The following EPHB2 variants were observed in gnomAD, a reference collection of about 807,000 sequenced individuals.
The protein encoded by EPHB2 is ephrin type-B receptor 2.
Under a neutral mutation model 96.4 loss-of-function variants are expected in EPHB2, and 18 were observed. That is an observed-to-expected ratio of 0.19 (90% CI 0.13 to 0.28). The LOEUF is 0.28. EPHB2 is among the 10% of genes least tolerant of loss of function. EPHB2 has a pLI of 1.00. For synonymous variants in EPHB2, 506 were observed against 534.1 expected (o/e 0.95, Z 0.72); for missense variants, 989 against 1,355.4 (o/e 0.73, Z 4.25).
At chr1:22,909,991 T>A (rs1422195187) in intron 13 of EPHB2, among the ~76,000 whole-genome samples, 1 of 151,966 alleles carries the variant, frequency 6.6e-6, no homozygotes, top group Non-Finnish European at 1.5e-5. Context: ...AAATCAAGCA[T>A]GTGGCCATGT....
In EPHB2 at chr1:22,906,088, A is replaced by G; in HGVS notation, c.1867A>G (p.Ile623Val). 1 of 1,614,188 alleles carries G rather than the reference A, an allele frequency of 6.2e-7. No homozygotes were observed. The change falls in exon 10 of 16, where the codon ATT (isoleucine) becomes GTT (valine). Residue 623 changes from isoleucine to valine, a missense_variant. Coordinates refer to ENST00000374630, the MANE Select transcript of EPHB2 (RefSeq NM_017449.5). The surrounding 1 kb of genome is among the most constrained non-coding windows in gnomAD (Gnocchi z 4.8). ...GGAAATTGACATCTCCTGTGTCAAA[A>G]TTGAGCAGGTGATCGGAGCAGGTAG... ...AKEIDISCVK[I>V]EQVIGAGEFG...
At chr1:22,754,563 C>T (rs565799459) in intron 1 of EPHB2, among the ~76,000 whole-genome samples, 9 of 151,300 alleles carry the variant, frequency 5.9e-5, no homozygotes, top group African/African-American at 1.9e-4. Flanking sequence ...GAAAAGGTGG[C>T]GCGAGGTGTG....
chr1:22,853,069 G>A (rs1054533700), intron 3 of EPHB2, among the ~76,000 whole-genome samples: 4 of 152,216 alleles, frequency 2.6e-5, no homozygotes, highest in Admixed American at 2.0e-4. Context: ...TCCGCCTTTC[G>A]GCCGGGCACG....
At chr1:22,806,509 GGATGGA>G (rs1644928898) in intron 3 of EPHB2, among the ~76,000 whole-genome samples, 1 of 3,246 alleles carries the variant, frequency 3.1e-4, no homozygotes, top group Non-Finnish European at 1.6e-3. Flanking sequence ...ACGGACGGAT[GGATGGA>G]TGGATGGATG....
chr1:22,751,230 C>T (rs1027654200), intron 1 of EPHB2, among the ~76,000 whole-genome samples: 7 of 152,166 alleles, frequency 4.6e-5, no homozygotes, highest in African/African-American at 1.2e-4. Flanking sequence ...GGTCACACAG[C>T]GAGTGAGCCT....
chr1:22,771,582 A>G (rs929638830), intron 1 of EPHB2, among the ~76,000 whole-genome samples: 5 of 152,202 alleles, frequency 3.3e-5, no homozygotes, highest in African/African-American at 4.8e-5. Flanking sequence ...CACGTCTTGC[A>G]AGTGACTGCC....
chr1:22,756,762 T>A (rs943628645), intron 1 of EPHB2, among the ~76,000 whole-genome samples: 2 of 152,050 alleles, frequency 1.3e-5, no homozygotes, highest in African/African-American at 4.8e-5. Context: ...CACAGACACC[T>A]TGAGGGGTGA....
At chr1:22,888,589 G>A (rs1639298850) in intron 6 of EPHB2, among the ~76,000 whole-genome samples, 1 of 152,132 alleles carries the variant, frequency 6.6e-6, no homozygotes, top group South Asian at 2.1e-4. Flanking sequence ...CTAAGGACTA[G>A]TGGATTTCAT....
chr1:22,870,056 G>A (rs1638610431), intron 5 of EPHB2, among the ~76,000 whole-genome samples: 2 of 152,042 alleles, frequency 1.3e-5, no homozygotes, highest in Admixed American at 1.3e-4. Context: ...ACAAGGCTGG[G>A]GACTCAATTT....
intron 3 of EPHB2, among the ~76,000 whole-genome samples, chr1:22,827,183 A>G (rs1441708315): frequency 3.9e-5 from 6 of 152,166 alleles, no homozygotes; most frequent in African/African-American, 1.4e-4. Flanking sequence ...TCCAGCTCAG[A>G]CCAGGCCACC....
At chr1:22,890,525 C>T (rs942242124) in intron 6 of EPHB2, among the ~76,000 whole-genome samples, 1 of 152,136 alleles carries the variant, frequency 6.6e-6, no homozygotes, top group Non-Finnish European at 1.5e-5. Flanking sequence ...CAGGCATGCA[C>T]ATCTTTGTCT....
At chr1:22,794,320 A>T (rs913682281) in intron 3 of EPHB2, among the ~76,000 whole-genome samples, 2 of 152,052 alleles carry the variant, frequency 1.3e-5, no homozygotes, top group African/African-American at 4.8e-5. Context: ...CTATCAAGCG[A>T]TGCAAGGCAG....
chr1:22,908,299 A>G (rs1639982362), intron 12 of EPHB2, 131 bp downstream of exon 12: 2 of 1,123,526 alleles, frequency 1.8e-6, no homozygotes, highest in Non-Finnish European at 2.6e-6. Flanking sequence ...GGAGACAGGA[A>G]GACAGGAACC....
intron 1 of EPHB2, among the ~76,000 whole-genome samples, chr1:22,768,387 A>G (rs537693796): frequency 6.6e-6 from 1 of 152,260 alleles, no homozygotes; most frequent in Admixed American, 6.5e-5. Context: ...TCAACCTGGT[A>G]TTCAAGACTC....
intron 1 of EPHB2, among the ~76,000 whole-genome samples, chr1:22,711,386 C>A (rs1465515754): frequency 6.7e-6 from 1 of 149,186 alleles, no homozygotes; most frequent in Admixed American, 6.6e-5. Flanking sequence ...TGGTCTTGCT[C>A]CGCACAGGGT....
chr1:22,897,516 A>G (rs574996639), intron 9 of EPHB2, among the ~76,000 whole-genome samples: 1 of 152,256 alleles, frequency 6.6e-6, no homozygotes, highest in South Asian at 2.1e-4. Flanking sequence ...GGCCAGGCAC[A>G]GTAGCTCACA....
chr1:22,802,514 C>A (rs915364304), intron 3 of EPHB2, among the ~76,000 whole-genome samples: 2 of 152,162 alleles, frequency 1.3e-5, no homozygotes, highest in African/African-American at 4.8e-5. Flanking sequence ...AAAGACTATG[C>A]CCTTCCCCAG....
At chr1:22,901,738 C>A (rs1010107685) in intron 9 of EPHB2, among the ~76,000 whole-genome samples, 23 of 152,210 alleles carry the variant, frequency 1.5e-4, no homozygotes, top group African/African-American at 5.3e-4. Flanking sequence ...AGTGGAGACT[C>A]TGTAGCCGGC....
rs1640190611 is a variant in EPHB2, at chr1:22,913,770, G to A, written c.*200G>A. The A allele has an allele frequency of 1.2e-6, 2 of 1,607,332 alleles. No individual in the cohort carries two copies. Among genetic ancestry groups the A allele is most frequent in the South Asian group, 1.1e-5 (1 of 89,862 alleles). Reference sequence around the variant, plus strand: ...AACGACGGAAAAAAAAAGGGAATGGGAAAAAAGAAAACAGATCCTGGGAGG... The same window carrying A: ...AACGACGGAAAAAAAAAGGGAATGGAAAAAAAGAAAACAGATCCTGGGAGG... On this transcript the variant is annotated 3_prime_UTR_variant, in exon 16 of 16. Transcript: ENST00000374630. This position sits in a 1 kb window ranked among gnomAD's most constrained non-coding sequence, Gnocchi z 4.1.
Sources: allele counts gnomAD v4.1 joint callset (sites outside exome capture counted in the v4.1 genomes callset), GRCh38; gene constraint gnomAD v4.1.1; non-coding constraint Gnocchi (gnomAD v3.1); transcripts MANE v1.5; gene names NCBI Gene and HGNC (gene_info 2026-07-23, HGNC 2026-07-21).